The following RAB3C variants were observed in gnomAD, a reference collection of about 807,000 sequenced individuals.
The protein encoded by RAB3C is RAB3C, member RAS oncogene family.
RAB3C carries 17 observed loss-of-function variants against 26.4 expected under a neutral mutation model. The ratio of observed to expected loss-of-function variants is 0.64; its 90% confidence interval spans 0.44 to 0.97. The LOEUF (loss-of-function observed/expected upper bound fraction) is 0.97, where lower values mean the gene tolerates loss of function less well. RAB3C is among the 50% of genes least tolerant of loss of function. The pLI is 0.00. For missense variants in RAB3C, 242 were observed against 281.9 expected, an observed-to-expected ratio of 0.86 and a Z score of 1.01; for synonymous variants, 91 against 95.9, an observed-to-expected ratio of 0.95 and a Z score of 0.30.
At chr5:58,595,057 A>G (rs2111665251) in intron 1 of RAB3C, among the ~76,000 whole-genome samples, 1 of 152,178 alleles carries the variant, frequency 6.6e-6, no homozygotes, top group Non-Finnish European at 1.5e-5. Flanking sequence ...ATGCTTTCTA[A>G]TGGAGCGAGG....
Position 58,807,906 on chromosome 5 carries a change from C to G in RAB3C, c.372-17132C>G, listed in dbSNP as rs558335627. 7.9e-5 allele frequency among the ~76,000 whole-genome samples: 12 copies of G among 152,084 alleles called. No individual in the cohort carries two copies. The East Asian group carries it at 2.1e-3, about 27-fold the overall frequency. On this transcript the variant is annotated intron_variant, in intron 3 of 4. Coordinates refer to ENST00000282878, the MANE Select transcript of RAB3C (RefSeq NM_138453.4). ...CAGCAAAACCAATGTATTCAAAATT[C>G]TAAAACTCTAGTGTTTACTGAGATA...
At chr5:58,620,813 G>A (rs1029455634) in intron 2 of RAB3C, among the ~76,000 whole-genome samples, 8 of 152,182 alleles carry the variant, frequency 5.3e-5, no homozygotes, top group Non-Finnish European at 1.0e-4. Context: ...GCAATCTTGA[G>A]TGATGCATCT....
intron 3 of RAB3C, among the ~76,000 whole-genome samples, chr5:58,740,198 T>C (rs1266899760): frequency 6.6e-6 from 1 of 152,132 alleles, no homozygotes; most frequent in East Asian, 1.9e-4. Context: ...GAGCCCAGAG[T>C]CAGCTATTAC....
intron 2 of RAB3C, among the ~76,000 whole-genome samples, chr5:58,707,801 C>G (rs1748974513): frequency 6.6e-6 from 1 of 152,052 alleles, no homozygotes; most frequent in East Asian, 1.9e-4. Flanking sequence ...AATAGGTCTC[C>G]TAAAACTTCC....
intron 1 of RAB3C, among the ~76,000 whole-genome samples, chr5:58,597,773 A>G (rs1219939428): frequency 9.4e-6 from 1 of 106,412 alleles, no homozygotes; most frequent in Non-Finnish European, 1.7e-5. Flanking sequence ...ATAACATATA[A>G]TACATTATAT....
At chr5:58,644,492 C>T (rs936459646) in intron 2 of RAB3C, 5 of 151,722 alleles carry the variant, frequency 3.3e-5, no homozygotes, top group East Asian at 1.9e-4. Flanking sequence ...CATCAGGCAC[C>T]GGGAGAAAAA....
In RAB3C at chr5:58,851,314, A is replaced by C. The variant is rs143439937; in HGVS notation, c.647A>C (p.Glu216Ala). Reference sequence around the variant, plus strand: ...GCAAAGCAGAACACGAGACTCAAGGAAACTCCTCCTCCACCGCAGCCCAAC... The same window carrying C: ...GCAAAGCAGAACACGAGACTCAAGGCAACTCCTCCTCCACCGCAGCCCAAC... ...TAAKQNTRLK[E>A]TPPPPQPNCA... The change falls in exon 5 of 5, where the codon GAA becomes GCA. Residue 216 changes from glutamate to alanine, a missense_variant. Glu to Ala is a moderately radical substitution (Grantham distance 107, BLOSUM62 -1). Coordinates refer to ENST00000282878, the MANE Select transcript of RAB3C (RefSeq NM_138453.4). 89 of 1,611,466 alleles carry C rather than the reference A, an allele frequency of 5.5e-5. 1 individual carries two copies. The African/African-American group carries it at 8.8e-4, about 16-fold the overall frequency.
intron 3 of RAB3C, among the ~76,000 whole-genome samples, chr5:58,766,119 CTTT>C (rs35659245): frequency 3.6e-5 from 5 of 138,418 alleles, no homozygotes; most frequent in African/African-American, 8.1e-5. Flanking sequence ...TCAGGTAATT[CTTT>C]TTTTTTTTTT....
chr5:58,829,658 A>G (rs761919926), intron 4 of RAB3C, among the ~76,000 whole-genome samples: 12 of 152,202 alleles, frequency 7.9e-5, no homozygotes, highest in Non-Finnish European at 1.6e-4. Flanking sequence ...ATTTGCATTA[A>G]TATTTCTTCC....
chr5:58,756,448 C>T (rs1365707682), intron 3 of RAB3C, among the ~76,000 whole-genome samples: 3 of 145,766 alleles, frequency 2.1e-5, no homozygotes, highest in East Asian at 2.0e-4. Context: ...ATGTGCAGAA[C>T]GTGCAGGTTT....
intron 2 of RAB3C, among the ~76,000 whole-genome samples, chr5:58,692,194 G>T (rs888840761): frequency 6.6e-6 from 1 of 152,082 alleles, no homozygotes; most frequent in Non-Finnish European, 1.5e-5. Context: ...ATATAGCCAC[G>T]TCCATTTTTA....
At chr5:58,670,866 A>G (rs1384276270) in intron 2 of RAB3C, among the ~76,000 whole-genome samples, 1 of 152,198 alleles carries the variant, frequency 6.6e-6, no homozygotes, top group Non-Finnish European at 1.5e-5. Context: ...TTTATGACTT[A>G]CAGAGCTCAC....
intron 2 of RAB3C, among the ~76,000 whole-genome samples, chr5:58,676,300 C>T (rs293024): frequency 0.34 from 51,234 of 151,774 alleles, 8,959 homozygotes; most frequent in East Asian, 0.42. Flanking sequence ...GTCAGGAGTT[C>T]GAGACCAGCC....
chr5:58,682,799 G>A (rs900715258), intron 2 of RAB3C, among the ~76,000 whole-genome samples: 1 of 152,034 alleles, frequency 6.6e-6, no homozygotes, highest in African/African-American at 2.4e-5. Flanking sequence ...ATGACTGAGA[G>A]CATCTGAAAT....
chr5:58,584,738 A>G (rs1271865207), intron 1 of RAB3C, among the ~76,000 whole-genome samples: 6 of 152,162 alleles, frequency 3.9e-5, no homozygotes, highest in Admixed American at 3.3e-4. Flanking sequence ...TTTTTGAAAA[A>G]TAAAGTAGAT....
chr5:58,756,404 ATG>A (rs1491078829), intron 3 of RAB3C, among the ~76,000 whole-genome samples: 1 of 143,416 alleles, frequency 7.0e-6, no homozygotes, highest in Non-Finnish European at 1.5e-5. Context: ...ATATATATAT[ATG>A]TATGTTAATT....
At chr5:58,699,140 T>C (rs1748784312) in intron 2 of RAB3C, among the ~76,000 whole-genome samples, 1 of 152,212 alleles carries the variant, frequency 6.6e-6, no homozygotes, top group African/African-American at 2.4e-5. Context: ...TTGATGTCGA[T>C]GCTATTCCTT....
At chr5:58,714,812 A>C (rs1237305415) in intron 2 of RAB3C, among the ~76,000 whole-genome samples, 3 of 151,986 alleles carry the variant, frequency 2.0e-5, no homozygotes, top group African/African-American at 7.2e-5. Flanking sequence ...GAAAATTTTC[A>C]ACCAAAGAGA....
intron 3 of RAB3C, among the ~76,000 whole-genome samples, chr5:58,742,990 A>C (rs556281598): frequency 6.6e-6 from 1 of 152,164 alleles, no homozygotes; most frequent in African/African-American, 2.4e-5. Flanking sequence ...GTTCTTAATT[A>C]AAGCTCCATT....
Sources: allele counts gnomAD v4.1 joint callset (sites outside exome capture counted in the v4.1 genomes callset), GRCh38; gene constraint gnomAD v4.1.1; transcripts MANE v1.5; gene names NCBI Gene and HGNC (gene_info 2026-07-23, HGNC 2026-07-21).